The following FER1L6 variants were observed in gnomAD, a reference collection of about 807,000 sequenced individuals.
FER1L6 encodes the protein fer-1-like protein 6.
A neutral mutation model predicts 219.2 loss-of-function variants in FER1L6; 177 were observed. The observed-to-expected ratio is 0.81, with a 90% confidence interval of 0.71 to 0.91. FER1L6 has a LOEUF of 0.91. Among genes scored for constraint, FER1L6 ranks in the 40% least tolerant of loss-of-function variants. The pLI is 0.00. For synonymous variants in FER1L6, 768 were observed against 824.3 expected (o/e 0.93, Z 1.17); for missense variants, 2,153 against 2,259.9 (o/e 0.95, Z 0.96).
At chr8:123,952,136 T>C (rs1814798028) in intron 1 of FER1L6, among the ~76,000 whole-genome samples, 1 of 151,426 alleles carries the variant, frequency 6.6e-6, no homozygotes, top group Admixed American at 6.6e-5. Context: ...AGGTCATCTA[T>C]GTAACATCCC....
In FER1L6 at chr8:124,021,585, G is replaced by A. The variant is rs1183915385; in HGVS notation, c.2049G>A (p.Gln683=). ...AMCKEAKGII[Q]QQKKKLSVDE... ...GCAAGGAGGCCAAGGGGATCATTCA[G>A]CAGCAGAAGAAAAAGTTATCTGTTG... Residue 683 remains glutamine (Q), a synonymous_variant, in exon 17 of 41, where the codon CAG becomes CAA. Transcript: ENST00000522917. 8.1e-6 allele frequency: 13 copies of A among 1,613,912 alleles called. No individual in the cohort carries two copies. The highest frequency in any genetic ancestry group is 9.3e-6 in the Non-Finnish European group (11 of 1,179,902).
At chr8:123,882,937 T>TG (rs1817135494) in intron 1 of FER1L6, among the ~76,000 whole-genome samples, 1 of 152,164 alleles carries the variant, frequency 6.6e-6, no homozygotes, top group Non-Finnish European at 1.5e-5. Flanking sequence ...TGAACCATTC[T>TG]GGTGCAGGGA....
chr8:124,119,756 G>A lies in FER1L6; in HGVS notation c.5540G>A (p.Gly1847Glu). Residue 1847 changes from glycine to glutamate, a missense_variant, in exon 41 of 41, where the codon GGA becomes GAA. Gly to Glu is a moderately conservative substitution (Grantham distance 98, BLOSUM62 -2). Transcript: ENST00000522917. ...GTCCTTTTCATCTACACCTTGCCAG[G>A]AGCCATCAGCCGAAGGATCGTTGTG... The part of the protein sequence containing the change: ...FLVLFIYTLP[G>E]AISRRIVVGS 2 of 1,613,996 alleles carry A rather than the reference G, an allele frequency of 1.2e-6. No homozygotes were observed. The highest frequency in any genetic ancestry group is 2.2e-5 in the East Asian group (1 of 44,866).
Position 124,067,767 on chromosome 8 carries a change from G to A in FER1L6, c.3679G>A (p.Ala1227Thr). 6.2e-7 allele frequency: 1 copy of A among 1,610,854 alleles called. No individual in the cohort carries two copies. The highest frequency in any genetic ancestry group is 1.3e-5 in the African/African-American group (1 of 74,872). Residue 1227 changes from alanine to threonine, a missense_variant and splice_region_variant, in exon 28 of 41, where the codon GCA (alanine) becomes ACA (threonine). Transcript: ENST00000522917. ...YYASLKKAQKAKERNPKGKKG... is the reference protein window; with the variant it reads ...YYASLKKAQKTKERNPKGKKG... Reference sequence around the variant, plus strand: ...AATAATATTGTCTCCTTTTTCAAAGGCAAAGGAGAGAAATCCCAAGGGAAA... The same window carrying A: ...AATAATATTGTCTCCTTTTTCAAAGACAAAGGAGAGAAATCCCAAGGGAAA...
chr8:124,057,959 GTCTT>G (rs1378218902), intron 22 of FER1L6, among the ~76,000 whole-genome samples: 1 of 98,034 alleles, frequency 1.0e-5, no homozygotes, highest in Non-Finnish European at 2.1e-5. Flanking sequence ...AATCCTCTGA[GTCTT>G]TCTTCGCTTA....
chr8:124,002,792 G>A (rs1175016272), intron 12 of FER1L6, among the ~76,000 whole-genome samples: 1 of 148,174 alleles, frequency 6.7e-6, no homozygotes, highest in Non-Finnish European at 1.5e-5. Context: ...AAAAAGGCAG[G>A]TTACAAAATG....
At chr8:123,876,212 C>T (rs1201121609) in intron 1 of FER1L6, among the ~76,000 whole-genome samples, 1 of 152,192 alleles carries the variant, frequency 6.6e-6, no homozygotes, top group Admixed American at 6.5e-5. Flanking sequence ...ACTCAGCAAG[C>T]TCCTTTCTCA....
intron 1 of FER1L6, among the ~76,000 whole-genome samples, chr8:123,938,874 A>G (rs983220453): frequency 6.6e-6 from 1 of 152,152 alleles, no homozygotes; most frequent in African/African-American, 2.4e-5. Context: ...GATGACACCT[A>G]TTTCAAATAT....
intron 22 of FER1L6, among the ~76,000 whole-genome samples, chr8:124,054,228 A>C (rs928737129): frequency 7.2e-5 from 11 of 151,910 alleles, no homozygotes; most frequent in African/African-American, 2.7e-4. Flanking sequence ...TGGTGTTACC[A>C]CCCCTCTCTC....
chr8:124,082,902 G>A (rs1431944192), intron 33 of FER1L6, among the ~76,000 whole-genome samples: 4 of 151,972 alleles, frequency 2.6e-5, no homozygotes, highest in South Asian at 2.1e-4. Context: ...GGCGTTATCC[G>A]CATTTTACAA....
At chr8:123,909,202 TGAAGAG>T (rs1164207971) in intron 1 of FER1L6, among the ~76,000 whole-genome samples, 1 of 151,716 alleles carries the variant, frequency 6.6e-6, no homozygotes, top group Non-Finnish European at 1.5e-5. Context: ...TACAGAAAGA[TGAAGAG>T]GGAGAAAGCT....
intron 1 of FER1L6, among the ~76,000 whole-genome samples, chr8:123,855,317 TA>T (rs1158101884): frequency 6.6e-6 from 1 of 152,180 alleles, no homozygotes; most frequent in Admixed American, 6.5e-5. Context: ...GCATTCCATT[TA>T]AAACTGCGAG....
At chr8:123,946,571 A>T (rs1224123630) in intron 1 of FER1L6, among the ~76,000 whole-genome samples, 2 of 152,088 alleles carry the variant, frequency 1.3e-5, no homozygotes, top group Non-Finnish European at 2.9e-5. Context: ...GTTGGTTTTG[A>T]TTAGTGGTTT....
chr8:124,081,429 T>C (rs749209410), intron 32 of FER1L6, among the ~76,000 whole-genome samples: 4 of 152,064 alleles, frequency 2.6e-5, no homozygotes, highest in Non-Finnish European at 4.4e-5. Context: ...GGCACTTATC[T>C]CAGATTGGCC....
intron 12 of FER1L6, among the ~76,000 whole-genome samples, chr8:123,991,223 G>T (rs189073493): frequency 2.0e-4 from 30 of 152,094 alleles, no homozygotes; most frequent in Admixed American, 1.0e-3. Context: ...TGAATTTTAG[G>T]ATTGTTTCTA....
At chr8:124,102,234 AGAG>A (rs1002613766) in intron 38 of FER1L6, among the ~76,000 whole-genome samples, 58 of 152,266 alleles carry the variant, frequency 3.8e-4, no homozygotes, top group African/African-American at 1.3e-3. Context: ...CCTTTGGTGG[AGAG>A]GAGGAGTCTA....
intron 32 of FER1L6, among the ~76,000 whole-genome samples, chr8:124,079,341 C>A (rs567012949): frequency 1.3e-5 from 2 of 152,164 alleles, no homozygotes; most frequent in Non-Finnish European, 2.9e-5. Context: ...ACTGCTTTTG[C>A]TCTTTATTAT....
At chr8:123,939,107 A>G (rs1814125635) in intron 1 of FER1L6, 19 of 930,446 alleles carry the variant, frequency 2.0e-5, no homozygotes, top group Non-Finnish European at 2.4e-5. Context: ...CAAGAGAAGC[A>G]TAGGTTTGTA....
intron 1 of FER1L6, among the ~76,000 whole-genome samples, chr8:123,944,573 T>C (rs1392097391): frequency 6.6e-6 from 1 of 152,062 alleles, no homozygotes; most frequent in African/African-American, 2.4e-5. Context: ...TATAAATAAA[T>C]ACACATACAC....
Sources: gnomAD v4.1 joint callset for allele counts (sites outside exome capture counted in the v4.1 genomes callset) on GRCh38, gnomAD v4.1.1 for gene constraint, MANE v1.5 for transcripts, NCBI Gene and HGNC (gene_info 2026-07-23, HGNC 2026-07-21) for gene names.